DOK5: variants seen among roughly 807,000 people sequenced by gnomAD.
The protein encoded by DOK5 is docking protein 5.
A neutral mutation model predicts 43.3 loss-of-function variants in DOK5; 27 were observed. The ratio of observed to expected loss-of-function variants is 0.62; its 90% CI spans 0.46 to 0.86. The LOEUF (loss-of-function observed/expected upper bound fraction) is 0.86, where lower values mean the gene tolerates loss of function less well. Among genes scored for constraint, DOK5 ranks in the 40% least tolerant of loss-of-function variants. DOK5 has a pLI of 0.00. For missense variants in DOK5, 373 were observed against 392.9 expected (o/e 0.95, Z 0.43); for synonymous variants, 146 against 140.1 (o/e 1.04, Z -0.30).
intron 1 of DOK5, among the ~76,000 whole-genome samples, chr20:54,508,122 G>A (rs1982880180): frequency 6.6e-6 from 1 of 152,108 alleles, no homozygotes; most frequent in Admixed American, 6.6e-5. Context: ...TTTAGACGGG[G>A]TTTTCAGAGT....
chr20:54,559,702 C>G (rs529469905), intron 2 of DOK5, among the ~76,000 whole-genome samples: 21 of 152,278 alleles, frequency 1.4e-4, no homozygotes, highest in Middle Eastern at 3.4e-3. Flanking sequence ...GGCCATGGAA[C>G]TATTTGTTTT....
At position 54,548,585 on chromosome 20, in the gene DOK5, A is replaced by T. The variant is rs190472827; in HGVS notation, c.67-6348A>T. Among the ~76,000 whole-genome samples the T allele has an allele frequency of 5.3e-5, 8 of 152,322 alleles. No individual in the cohort carries two copies. The South Asian group carries it at 1.2e-3, about 24-fold the overall frequency. ...AGTGAAACTATTATAGTTCGAATAA[A>T]AGATTTCTCTTTTAAATAAAAATGT... On this transcript the variant is annotated intron_variant, in intron 1 of 7. Coordinates refer to ENST00000262593, the MANE Select transcript of DOK5 (RefSeq NM_018431.5).
At chr20:54,540,937 A>C (rs1418567116) in intron 1 of DOK5, among the ~76,000 whole-genome samples, 1 of 152,202 alleles carries the variant, frequency 6.6e-6, no homozygotes, top group African/African-American at 2.4e-5. Context: ...TCATATACAC[A>C]ATGTATACAG....
intron 1 of DOK5, among the ~76,000 whole-genome samples, chr20:54,492,051 A>G (rs1476774728): frequency 6.6e-6 from 1 of 151,926 alleles, no homozygotes; most frequent in Non-Finnish European, 1.5e-5. Context: ...TATATATGAC[A>G]TATATATCAT....
chr20:54,588,755 A>T lies in DOK5; in HGVS notation c.358A>T (p.Ser120Cys). ...ECVGTRINDISLGEPDLLATG... is the reference protein window; with the variant it reads ...ECVGTRINDICLGEPDLLATG... ...TGTAGGAACACGGATCAATGACATC[A>T]GCCTTGGAGAGCCTGACTTACTGGC... The change falls in exon 4 of 8, where the codon AGC (serine) becomes TGC (cysteine). Residue 120 changes from serine to cysteine, a missense_variant. By Grantham distance (112) the Ser-to-Cys change is moderately radical. Transcript: ENST00000262593. 6.2e-7 allele frequency: 1 copy of T among 1,614,100 alleles called. No individual in the cohort carries two copies. Among genetic ancestry groups the T allele is most frequent in the Non-Finnish European group, 8.5e-7 (1 of 1,179,964 alleles).
At chr20:54,514,366 A>G (rs1399686501) in intron 1 of DOK5, among the ~76,000 whole-genome samples, 3 of 152,190 alleles carry the variant, frequency 2.0e-5, no homozygotes, top group South Asian at 2.1e-4. Flanking sequence ...GTCCAAGGTC[A>G]TGCTTCAGTT....
chr20:54,479,337 G>A lies in DOK5; in HGVS notation c.66+3325G>A, dbSNP rs1194466047. Among the ~76,000 whole-genome samples the A allele has an allele frequency of 2.6e-5, 4 of 152,098 alleles. No individual in the cohort carries two copies. In the East Asian group the frequency reaches 7.7e-4, roughly 29 times the overall value. On this transcript the variant is annotated intron_variant, in intron 1 of 7. Coordinates refer to ENST00000262593, the MANE Select transcript of DOK5 (RefSeq NM_018431.5). ...TCCTGGAGGTCTCCAGCTGTGCCCT[G>A]GGTACTGAATTTGTTCAGGAATGTC...
At chr20:54,647,486 C>A (rs940245245) in intron 7 of DOK5, among the ~76,000 whole-genome samples, 12 of 131,082 alleles carry the variant, frequency 9.2e-5, no homozygotes, top group South Asian at 5.0e-4. Flanking sequence ...GCCTGGGCAA[C>A]AAGAGTGAAA....
At position 54,479,939 on chromosome 20, in the gene DOK5, CT is replaced by C. The variant is rs991249314; in HGVS notation, c.66+3930del. On this transcript the variant is annotated intron_variant, in intron 1 of 7. Transcript: ENST00000262593. Reference sequence around the variant, plus strand: ...CATCAGGAGATCTTGTGGGCTGTATCTTTGAAATATATCTAGAATCCGGCTG... The same window carrying C: ...CATCAGGAGATCTTGTGGGCTGTATCTTGAAATATATCTAGAATCCGGCTG... 7.9e-5 allele frequency among the ~76,000 whole-genome samples: 12 copies of C among 152,160 alleles called. 1 individual carries two copies. Among genetic ancestry groups the C allele is most frequent in the Admixed American group, 7.9e-4 (12 of 15,260 alleles).
chr20:54,602,080 A>G (rs1600728084), intron 5 of DOK5, among the ~76,000 whole-genome samples: 1 of 152,096 alleles, frequency 6.6e-6, no homozygotes, highest in Non-Finnish European at 1.5e-5. Flanking sequence ...TTCAAGGCAA[A>G]TATGTGGCTG....
intron 1 of DOK5, among the ~76,000 whole-genome samples, chr20:54,519,940 T>C (rs1983334970): frequency 6.6e-6 from 1 of 152,228 alleles, no homozygotes; most frequent in Non-Finnish European, 1.5e-5. Context: ...AAGAGAATCC[T>C]GTTGTCTTAA....
chr20:54,555,915 A>G (rs890119137), intron 2 of DOK5, among the ~76,000 whole-genome samples: 6 of 152,196 alleles, frequency 3.9e-5, no homozygotes, highest in Admixed American at 3.3e-4. Flanking sequence ...TAGAACAGAA[A>G]CTTGGCTAGG....
At chr20:54,529,156 G>A (rs1600682548) in intron 1 of DOK5, among the ~76,000 whole-genome samples, 1 of 152,254 alleles carries the variant, frequency 6.6e-6, no homozygotes, top group African/African-American at 2.4e-5. Flanking sequence ...ATTATTGGCT[G>A]TCACTTAGCC....
At chr20:54,556,510 A>G (rs1171686121) in intron 2 of DOK5, among the ~76,000 whole-genome samples, 1 of 152,212 alleles carries the variant, frequency 6.6e-6, no homozygotes, top group African/African-American at 2.4e-5. Context: ...GTATCCAGTC[A>G]TTTTGAACCA....
chr20:54,574,464 A>T (rs1046260856), intron 2 of DOK5, among the ~76,000 whole-genome samples: 2 of 152,174 alleles, frequency 1.3e-5, no homozygotes, highest in African/African-American at 4.8e-5. Flanking sequence ...CATCTGAGTT[A>T]AAAGCTGAGG....
intron 1 of DOK5, among the ~76,000 whole-genome samples, chr20:54,545,906 G>T (rs971422365): frequency 2.0e-5 from 3 of 152,204 alleles, no homozygotes; most frequent in African/African-American, 7.2e-5. Context: ...AGATGAAACA[G>T]CATATGGCTA....
At chr20:54,557,590 C>T (rs971051999) in intron 2 of DOK5, among the ~76,000 whole-genome samples, 26 of 152,140 alleles carry the variant, frequency 1.7e-4, no homozygotes, top group Admixed American at 3.3e-4. Flanking sequence ...CTCTGAGTTT[C>T]CTTAATCCCA....
chr20:54,496,750 A>T, intron 1 of DOK5, among the ~76,000 whole-genome samples: 1 of 144,134 alleles, frequency 6.9e-6, no homozygotes, highest in African/African-American at 2.6e-5. Context: ...TGGGCGACAG[A>T]GCAAGACTCC....
chr20:54,642,825 A>G (rs1036841633), intron 6 of DOK5, among the ~76,000 whole-genome samples: 84 of 152,320 alleles, frequency 5.5e-4, no homozygotes, highest in Middle Eastern at 3.4e-3. Context: ...ATTCAGTGGG[A>G]TCCAAGGTCT....
Sources: allele counts gnomAD v4.1 joint callset (sites outside exome capture counted in the v4.1 genomes callset), GRCh38; gene constraint gnomAD v4.1.1; transcripts MANE v1.5; gene names NCBI Gene and HGNC (gene_info 2026-07-23, HGNC 2026-07-21).